The following CFAP144 variants were observed in gnomAD, a reference collection of about 807,000 sequenced individuals.
CFAP144 encodes cilia and flagella associated protein 144.
At chr1:43,147,794 G>A in the CFAP144 span, 1 of 1,487,710 alleles carries the variant, frequency 6.7e-7, no homozygotes, top group South Asian at 1.4e-5. Context: ...TGCAGGCAGG[G>A]TAAGGGGCTG....
the CFAP144 span, chr1:43,147,725 T>C: frequency 7.2e-7 from 1 of 1,390,586 alleles, no homozygotes; most frequent in South Asian, 1.5e-5. Flanking sequence ...GTGAGTACAG[T>C]GCCAGAATAG....
chr1:43,147,758 C>A, the CFAP144 span: 2 of 1,440,412 alleles, frequency 1.4e-6, no homozygotes, highest in African/African-American at 2.9e-5. Flanking sequence ...AATAAGATCC[C>A]GACCGGCGGG....
the CFAP144 span, among the ~76,000 whole-genome samples, chr1:43,154,867 T>G: frequency 6.8e-6 from 1 of 146,280 alleles, no homozygotes; most frequent in South Asian, 2.2e-4. Flanking sequence ...GGAAAAATAC[T>G]AGGAGGAAAC....
the CFAP144 span, chr1:43,147,868 A>T: frequency 1.0e-5 from 16 of 1,566,346 alleles, no homozygotes; most frequent in Non-Finnish European, 1.4e-5. Flanking sequence ...AGACCACGGG[A>T]CGCCGTTGCC....
chr1:43,154,094 ATATATACT>A, the CFAP144 span, among the ~76,000 whole-genome samples: 7 of 132,368 alleles, frequency 5.3e-5, no homozygotes, highest in Admixed American at 1.5e-4. Flanking sequence ...ATATATATAT[ATATATACT>A]CTCTTTTTAT....
chr1:43,143,603 C>A, the CFAP144 span, among the ~76,000 whole-genome samples: 3 of 152,144 alleles, frequency 2.0e-5, no homozygotes, highest in Non-Finnish European at 4.4e-5. Flanking sequence ...AGTTATCTGA[C>A]ATGGAGACAG....
chr1:43,145,021 C>CT, the CFAP144 span: 1 of 541,674 alleles, frequency 1.8e-6, no homozygotes, highest in East Asian at 3.1e-5. Flanking sequence ...GACAGGACCC[C>CT]TTTTCCATGA....
the CFAP144 span, among the ~76,000 whole-genome samples, chr1:43,143,878 C>CCT: frequency 6.6e-6 from 1 of 151,930 alleles, no homozygotes; most frequent in Admixed American, 6.5e-5. Context: ...CTCCTACCTG[C>CCT]CCTCTTTTGG....
chr1:43,145,224 C>A, the CFAP144 span: 84 of 1,544,182 alleles, frequency 5.4e-5, no homozygotes, highest in Non-Finnish European at 7.1e-5. Flanking sequence ...AGCCACAGAG[C>A]AAACTGCAGG....
At chr1:43,154,697 A>G in the CFAP144 span, among the ~76,000 whole-genome samples, 2 of 152,166 alleles carry the variant, frequency 1.3e-5, no homozygotes, top group Non-Finnish European at 2.9e-5. Context: ...AAATTTAAAA[A>G]CCAGAAAGAA....
At chr1:43,152,778 C>T in the CFAP144 span, 8 of 1,535,046 alleles carry the variant, frequency 5.2e-6, no homozygotes, top group East Asian at 2.3e-5. Flanking sequence ...ACAGGACCAA[C>T]CTCTGGTCCC....
the CFAP144 span, chr1:43,156,366 C>A: frequency 7.4e-7 from 1 of 1,357,916 alleles, no homozygotes; most frequent in Non-Finnish European, 1.1e-6. Flanking sequence ...TGTGCACAGC[C>A]CAGAGAAATA....
the CFAP144 span, among the ~76,000 whole-genome samples, chr1:43,144,806 CT>C: frequency 6.6e-6 from 1 of 152,134 alleles, no homozygotes; most frequent in South Asian, 2.1e-4. Flanking sequence ...TTCTAATCCC[CT>C]GTACTCTAGC....
At chr1:43,153,031 A>T in the CFAP144 span, 1 of 1,430,278 alleles carries the variant, frequency 7.0e-7, no homozygotes, top group Non-Finnish European at 9.5e-7. Flanking sequence ...CTGGGCTTGA[A>T]CCTGGCTACC....
chr1:43,148,175 C>T, the CFAP144 span: 1 of 1,358,632 alleles, frequency 7.4e-7, no homozygotes, highest in African/African-American at 1.5e-5. Flanking sequence ...GAACGCGGTC[C>T]CAGCAAAAAC....
At chr1:43,143,845 C>G in the CFAP144 span, among the ~76,000 whole-genome samples, 5 of 150,564 alleles carry the variant, frequency 3.3e-5, no homozygotes, top group Non-Finnish European at 7.4e-5. Context: ...TGCTGGTCTG[C>G]GCTTTGCGCC....
At chr1:43,145,457 C>T in the CFAP144 span, among the ~76,000 whole-genome samples, 2 of 152,130 alleles carry the variant, frequency 1.3e-5, no homozygotes, top group Admixed American at 6.5e-5. Flanking sequence ...ATTCCAGGAC[C>T]ATCCCAAGGA....
the CFAP144 span, among the ~76,000 whole-genome samples, chr1:43,143,290 G>A: frequency 6.6e-6 from 1 of 152,086 alleles, no homozygotes; most frequent in Non-Finnish European, 1.5e-5. Flanking sequence ...ATGTCCTCAA[G>A]GGAAATCCAA....
chr1:43,154,100 AC>A, the CFAP144 span, among the ~76,000 whole-genome samples: 108 of 95,506 alleles, frequency 1.1e-3, 1 homozygote, highest in Non-Finnish European at 2.0e-3. Context: ...ATATATATAT[AC>A]TCTCTTTTTA....
Sources: allele counts gnomAD v4.1 joint callset (sites outside exome capture counted in the v4.1 genomes callset), GRCh38; gene constraint gnomAD v4.1.1; transcripts MANE v1.5; gene names NCBI Gene and HGNC (gene_info 2026-07-23, HGNC 2026-07-21).